Variants in DNAH9 observed in about 807,000 individuals in gnomAD.
DNAH9 encodes dynein axonemal heavy chain 9.
Under a neutral mutation model 471.6 loss-of-function variants are expected in DNAH9, and 345 were observed. That is an observed-to-expected ratio of 0.73 (90% CI 0.67 to 0.80). DNAH9 has a LOEUF of 0.80. Ranked by LOEUF, DNAH9 falls within the 30% of genes least tolerant of loss-of-function variation. The pLI is 0.00. For missense variants in DNAH9, 5,407 were observed against 5,609.2 expected (o/e 0.96, Z 1.15); for synonymous variants, 2,093 against 2,123.6 (o/e 0.99, Z 0.40).
At chr17:11,602,494 T>G (rs2098070) in intron 1 of DNAH9, among the ~76,000 whole-genome samples, 36,456 of 152,012 alleles carry the variant, frequency 0.24, 5,065 homozygotes, top group East Asian at 0.55. Flanking sequence ...TTGTTCCTCC[T>G]TGCTGCTCTA....
intron 24 of DNAH9, 102 bp from the exon 25 acceptor site, chr17:11,704,101 T>C: frequency 7.6e-7 from 1 of 1,319,622 alleles, no homozygotes; most frequent in East Asian, 2.3e-5. Context: ...ATGGGGCTCA[T>C]GTCACCCACA....
In DNAH9 at chr17:11,821,936, C is replaced by T. The variant is rs143289947; in HGVS notation, c.8724C>T (p.Leu2908=). The T allele has an allele frequency of 1.8e-4, 283 of 1,613,476 alleles. No homozygotes were observed. Among genetic ancestry groups the T allele is most frequent in the Non-Finnish European group, 2.2e-4 (263 of 1,179,848 alleles). The change falls in exon 46 of 69, where the codon CTC becomes CTT. Residue 2908 remains leucine, a synonymous_variant. Coordinates refer to ENST00000262442, the MANE Select transcript of DNAH9 (RefSeq NM_001372.4). ...DLLASGEIPD[L]YSDDEVENII... is the part of the protein sequence containing the mutation. The stretch of plus-strand genomic sequence containing the variant: ...TTTTCCCAGGGGAGATCCCAGATCT[C>T]TACTCTGATGATGAAGTTGAAAACA...
chr17:11,606,448 C>CTTTT (rs1156988834), intron 1 of DNAH9, among the ~76,000 whole-genome samples: 2 of 97,030 alleles, frequency 2.1e-5, no homozygotes, highest in African/African-American at 8.8e-5. Context: ...CTTTTCTTTT[C>CTTTT]TTTTCTTTTT....
chr17:11,852,529 T>C (rs1203818812), intron 49 of DNAH9, among the ~76,000 whole-genome samples: 1 of 152,060 alleles, frequency 6.6e-6, no homozygotes, highest in East Asian at 1.9e-4. Context: ...CACTCTGAGC[T>C]GGGAGCTCAG....
intron 62 of DNAH9, chr17:11,925,158 A>T (rs935315914): frequency 6.6e-6 from 3 of 455,118 alleles, no homozygotes; most frequent in Non-Finnish European, 1.3e-5. Context: ...CAAATTTTTT[A>T]GGTAAAGAGA....
chr17:11,904,609 C>T (rs865964896), intron 60 of DNAH9, among the ~76,000 whole-genome samples: 19 of 129,730 alleles, frequency 1.5e-4, no homozygotes, highest in African/African-American at 5.8e-4. Context: ...CCAGCCTGGG[C>T]GACAGAGTGA....
chr17:11,699,750 A>G lies in DNAH9; in HGVS notation c.4892A>G (p.Lys1631Arg). 6.2e-7 allele frequency: 1 copy of G among 1,614,114 alleles called. No homozygotes were observed. The highest frequency in any genetic ancestry group is 2.2e-5 in the East Asian group (1 of 44,880). ...TCATAGGTTCAACGTCACCTTTCCA[A>G]ACTCTTTGACAACATGGCCAAGATG... ...APQQVQRHLS[K>R]LFDNMAKMRF... The change falls in exon 23 of 69, where the codon AAA becomes AGA. Residue 1631 changes from lysine (K) to arginine (R), a missense_variant. Coordinates refer to ENST00000262442, the MANE Select transcript of DNAH9 (RefSeq NM_001372.4).
chr17:11,737,434 G>A (rs535294498), intron 28 of DNAH9, among the ~76,000 whole-genome samples: 41 of 151,886 alleles, frequency 2.7e-4, no homozygotes, highest in African/African-American at 9.4e-4. Context: ...ACCTGCTGAG[G>A]CTCATTCAAA....
chr17:11,880,359 A>G (rs1317413468), intron 54 of DNAH9, among the ~76,000 whole-genome samples, 159 bp downstream of exon 54: 1 of 152,140 alleles, frequency 6.6e-6, no homozygotes, highest in Non-Finnish European at 1.5e-5. Context: ...GCAGAGGTCT[A>G]TTTAGTGGCC....
intron 42 of DNAH9, among the ~76,000 whole-genome samples, chr17:11,795,344 C>T (rs1338890572): frequency 6.6e-6 from 1 of 152,182 alleles, no homozygotes; most frequent in Non-Finnish European, 1.5e-5. Flanking sequence ...CTTTTCCACA[C>T]ATACTGCTTG....
At chr17:11,767,124 A>G (rs780439852) in intron 36 of DNAH9, among the ~76,000 whole-genome samples, 5 of 152,198 alleles carry the variant, frequency 3.3e-5, no homozygotes, top group Non-Finnish European at 5.9e-5. Context: ...GGCCCAGCCA[A>G]GGGCTTAGCT....
intron 10 of DNAH9, 40 bp from the exon 11 acceptor site, chr17:11,644,591 C>T (rs769828562): frequency 2.1e-6 from 3 of 1,463,166 alleles, no homozygotes; most frequent in East Asian, 2.3e-5. Flanking sequence ...ACTTTAACTT[C>T]TTCTAATTCT....
intron 20 of DNAH9, among the ~76,000 whole-genome samples, chr17:11,693,237 CTT>C (rs776422086): frequency 0.11 from 8,400 of 76,526 alleles, 106 homozygotes; most frequent in Non-Finnish European, 0.13. Flanking sequence ...TTAAAATGCC[CTT>C]TTTTTTTTTT....
At chr17:11,778,257 CGGAG>C (rs1289165836) in intron 38 of DNAH9, among the ~76,000 whole-genome samples, 2 of 129,940 alleles carry the variant, frequency 1.5e-5, no homozygotes, top group Non-Finnish European at 3.1e-5. Context: ...ACCCAGGAGA[CGGAG>C]GTTGCAGTGA....
At chr17:11,632,318 C>T (rs1212468158) in intron 7 of DNAH9, among the ~76,000 whole-genome samples, 1 of 152,232 alleles carries the variant, frequency 6.6e-6, no homozygotes, top group African/African-American at 2.4e-5. Context: ...CTTCAGGAAG[C>T]AGAACGGAGG....
At position 11,598,675 on chromosome 17, in the gene DNAH9, C is replaced by G; in HGVS notation, c.177C>G (p.Phe59Leu). ...SAEAEQLLQA[F>L]LGRDAAEGPR... ...AGGCGGAGCAGCTGCTCCAGGCCTTCCTGGGCCGCGATGCTGCCGAGGGGC... is the reference window on the plus strand; with the variant it reads ...AGGCGGAGCAGCTGCTCCAGGCCTTGCTGGGCCGCGATGCTGCCGAGGGGC... The change falls in exon 1 of 69, where the codon TTC becomes TTG. Residue 59 changes from phenylalanine (F) to leucine (L), a missense_variant. Transcript: ENST00000262442. 1.5e-6 allele frequency: 2 copies of G among 1,365,416 alleles called. No individual in the cohort carries two copies. Among genetic ancestry groups the G allele is most frequent in the South Asian group, 1.7e-5 (1 of 59,124 alleles). The allele number at this position is 1,365,416 out of a possible 1,614,324, so 84.6% of individuals were successfully genotyped here. A position where few individuals can be genotyped will look rare whatever the true frequency, so the allele number is the denominator to read the frequency against.
chr17:11,821,627 G>A (rs8182254), intron 45 of DNAH9, among the ~76,000 whole-genome samples: 91,750 of 152,000 alleles, frequency 0.6, 27,818 homozygotes, highest in East Asian at 0.65. Context: ...TACAGTAGAT[G>A]GGAAACAAAT....
At chr17:11,647,277 CTT>C (rs1214040120) in intron 12 of DNAH9, 79 bp downstream of exon 12, 8 of 1,423,772 alleles carry the variant, frequency 5.6e-6, no homozygotes, top group African/African-American at 2.9e-5. Context: ...AGCGTAAAGA[CTT>C]TTATTTTTTT....
chr17:11,831,846 G>A (rs1477085303), intron 48 of DNAH9, among the ~76,000 whole-genome samples: 2 of 152,248 alleles, frequency 1.3e-5, no homozygotes, highest in Admixed American at 1.3e-4. Flanking sequence ...CACCACCACT[G>A]CATTGTCATC....
Sources: gnomAD v4.1 joint callset for allele counts (sites outside exome capture counted in the v4.1 genomes callset) on GRCh38, gnomAD v4.1.1 for gene constraint, MANE v1.5 for transcripts, NCBI Gene and HGNC (gene_info 2026-07-23, HGNC 2026-07-21) for gene names.